Variants in ADA2 observed in about 807,000 individuals in gnomAD.
The protein encoded by ADA2 is adenosine deaminase CECR1.
ADA2 carries 29 observed loss-of-function variants against 44.2 expected under a neutral mutation model. That is an observed-to-expected ratio of 0.66 (90% CI 0.49 to 0.89). The LOEUF is 0.89. ADA2 is among the 40% of genes least tolerant of loss of function. The pLI, the probability that ADA2 is intolerant of heterozygous loss-of-function variation, is 0.00. For synonymous variants in ADA2, 215 were observed against 234.9 expected (o/e 0.92, Z 0.77); for missense variants, 637 against 644.8 (o/e 0.99, Z 0.13).
Position 17,216,765 on chromosome 22 carries a change from A to AC in ADA2, c.-47+2590_-47+2591insG, listed in dbSNP as rs1043414439. On this transcript the variant is annotated intron_variant, in intron 1 of 9. Coordinates refer to ENST00000399837, the MANE Select transcript of ADA2 (RefSeq NM_001282225.2). ...CAGAGCAAGACTCCACCTCAAAAAAAAAAAAAACACACACACACACACACA... is the reference window on the plus strand; with the variant it reads ...CAGAGCAAGACTCCACCTCAAAAAAACAAAAAAACACACACACACACACACA... Among the ~76,000 whole-genome samples, 5 of 107,220 alleles carry AC rather than the reference A, an allele frequency of 4.7e-5. 1 individual carries two copies. The highest frequency in any genetic ancestry group is 6.4e-4 in the East Asian group (1 of 1,556). The allele number at this position is 107,220 out of a possible 152,430, so 70.3% of individuals were successfully genotyped here.
chr22:17,216,548 C>T (rs11705022), intron 1 of ADA2, among the ~76,000 whole-genome samples: 6,235 of 152,140 alleles, frequency 0.041, 195 homozygotes, highest in Middle Eastern at 0.11. Flanking sequence ...AGGTGGATCA[C>T]AAGGTCAGGA....
intron 3 of ADA2, among the ~76,000 whole-genome samples, chr22:17,205,138 C>G (rs1253358474): frequency 6.6e-6 from 1 of 152,090 alleles, no homozygotes; most frequent in Non-Finnish European, 1.5e-5. Context: ...CTGCCTTGGC[C>G]TCCCGAGTAG....
chr22:17,202,463 C>T (rs1425517097), intron 4 of ADA2, among the ~76,000 whole-genome samples: 2 of 152,064 alleles, frequency 1.3e-5, no homozygotes, highest in African/African-American at 2.4e-5. Flanking sequence ...GATGGAATTT[C>T]GCCATGTTGA....
At chr22:17,199,832 A>G in intron 4 of ADA2, 1 of 1,225,774 alleles carries the variant, frequency 8.2e-7, no homozygotes, top group Non-Finnish European at 1.1e-6. Context: ...TAATCCTAGT[A>G]CTTTGGGAGG....
At chr22:17,208,838 A>ATTTTTTTTTTTTTTTTTTTTTTT (rs796662081) in intron 2 of ADA2, among the ~76,000 whole-genome samples, 13 of 142,998 alleles carry the variant, frequency 9.1e-5, no homozygotes, top group African/African-American at 2.6e-4. Context: ...AAAAATTAAC[A>ATTTTTTTTTTTTTTTTTTTTTTT]TTTTTTGGGG....
chr22:17,198,952 G>C (rs532267983), intron 4 of ADA2, among the ~76,000 whole-genome samples: 2 of 152,184 alleles, frequency 1.3e-5, no homozygotes, highest in African/African-American at 4.8e-5. Flanking sequence ...GACCAGGCAG[G>C]GGGAGGCGAG....
At chr22:17,214,133 T>G in intron 1 of ADA2, 1 of 730,506 alleles carries the variant, frequency 1.4e-6, no homozygotes, top group Non-Finnish European at 2.4e-6. Flanking sequence ...GAGCATTACA[T>G]TCCCAGAGTC....
At chr22:17,183,406 C>G (rs28535971) in intron 7 of ADA2, among the ~76,000 whole-genome samples, 42,147 of 148,698 alleles carry the variant, frequency 0.28, 6,314 homozygotes, top group Non-Finnish European at 0.34. Flanking sequence ...TTTAAACCTT[C>G]GTCTCTCTGA....
chr22:17,208,461 G>A (rs1270306141), intron 2 of ADA2, among the ~76,000 whole-genome samples: 1 of 148,522 alleles, frequency 6.7e-6, no homozygotes, highest in African/African-American at 2.5e-5. Context: ...AAAAAAACAG[G>A]TGTTAAGTCT....
At chr22:17,199,582 C>G in intron 4 of ADA2, 1 of 1,614,114 alleles carries the variant, frequency 6.2e-7, no homozygotes, top group Non-Finnish European at 8.5e-7. Context: ...AATCCATCTC[C>G]CCTCCGGAAA....
At chr22:17,200,018 AATCTC>A (rs1440617841) in intron 4 of ADA2, among the ~76,000 whole-genome samples, 1 of 152,130 alleles carries the variant, frequency 6.6e-6, no homozygotes, top group Non-Finnish European at 1.5e-5. Flanking sequence ...AATATGGTGA[AATCTC>A]ATCTCTTCTA....
chr22:17,207,150 G>C lies in ADA2; in HGVS notation c.463C>G (p.Pro155Ala). ...QFRFAHPTPRPSEKCSKWILL... is the reference protein window; with the variant it reads ...QFRFAHPTPRASEKCSKWILL... The stretch of plus-strand genomic sequence containing the variant: ...ATCCACTTGGAACATTTTTCTGATG[G>C]ACGGGGAGTTGGGTGAGCAAATCTG... The change falls in exon 3 of 10, where the codon CCA (proline) becomes GCA (alanine). Residue 155 changes from proline (P) to alanine (A), a missense_variant. By Grantham distance (27) the Pro-to-Ala change is conservative. Transcript: ENST00000399837. 6.2e-7 allele frequency: 1 copy of C among 1,614,246 alleles called. No individual in the cohort carries two copies. The highest frequency in any genetic ancestry group is 2.2e-5 in the East Asian group (1 of 44,888).
At chr22:17,201,788 C>T (rs2123694613) in intron 4 of ADA2, among the ~76,000 whole-genome samples, 1 of 152,248 alleles carries the variant, frequency 6.6e-6, no homozygotes, top group Middle Eastern at 3.4e-3. Flanking sequence ...CAACACGGAG[C>T]CTGGTGTCAG....
At chr22:17,186,645 G>T (rs1474983858) in intron 7 of ADA2, among the ~76,000 whole-genome samples, 1 of 151,710 alleles carries the variant, frequency 6.6e-6, no homozygotes, top group Non-Finnish European at 1.5e-5. Flanking sequence ...GAGGTGGGTG[G>T]ATCACTTGAG....
intron 4 of ADA2, among the ~76,000 whole-genome samples, chr22:17,201,950 A>AT (rs796103460): frequency 3.6e-5 from 5 of 139,896 alleles, no homozygotes; most frequent in Admixed American, 7.5e-5. Context: ...TTAAAATCAA[A>AT]TTTTTTTTTC....
intron 6 of ADA2, chr22:17,188,782 G>A (rs2062072972): frequency 6.3e-6 from 1 of 157,856 alleles, no homozygotes; most frequent in East Asian, 2.0e-4. Flanking sequence ...GGGAGGCTGA[G>A]GCAGGAGAAT....
At chr22:17,201,962 TTTTTC>T (rs1268246900) in intron 4 of ADA2, among the ~76,000 whole-genome samples, 2 of 131,712 alleles carry the variant, frequency 1.5e-5, no homozygotes, top group African/African-American at 2.9e-5. Context: ...TTTTTTTTCT[TTTTTC>T]TTTTTTTTTT....
chr22:17,197,447 T>G lies in ADA2; in HGVS notation c.754-5637A>C, dbSNP rs139633872. 4.4e-3 allele frequency among the ~76,000 whole-genome samples: 671 copies of G among 152,118 alleles called. 6 individuals are homozygous for G. The highest frequency in any genetic ancestry group is 0.016 in the African/African-American group (644 of 41,496). On this transcript the variant is annotated intron_variant, in intron 4 of 9. Transcript: ENST00000399837. ...TGGCTAATTATTTTGTTTTGTCCTG[T>G]TTTGTAGAGACAAGGGTTTTGCCAT...
intron 3 of ADA2, among the ~76,000 whole-genome samples, chr22:17,204,646 G>A (rs1482147374): frequency 6.6e-6 from 1 of 151,836 alleles, no homozygotes; most frequent in Non-Finnish European, 1.5e-5. Flanking sequence ...GACCGCAGGA[G>A]TGCACATACA....
Sources: allele counts gnomAD v4.1 joint callset (sites outside exome capture counted in the v4.1 genomes callset), GRCh38; gene constraint gnomAD v4.1.1; transcripts MANE v1.5; gene names NCBI Gene and HGNC (gene_info 2026-07-23, HGNC 2026-07-21).